The following CCDC88A variants were observed in gnomAD, a reference collection of about 807,000 sequenced individuals.
CCDC88A encodes girdin.
Under a neutral mutation model 234.3 loss-of-function variants are expected in CCDC88A, and 54 were observed. The ratio of observed to expected loss-of-function variants is 0.23; its 90% CI spans 0.19 to 0.29. The LOEUF (loss-of-function observed/expected upper bound fraction) is 0.29. Ranked by LOEUF, CCDC88A falls within the 10% of genes least tolerant of loss-of-function variation. CCDC88A has a pLI of 1.00. For missense variants in CCDC88A, 1,832 were observed against 2,123.4 expected (o/e 0.86, Z 2.70); for synonymous variants, 753 against 737.8 (o/e 1.02, Z -0.33).
At chr2:55,362,478 A>G (rs779115542) in intron 6 of CCDC88A, 30 bp from the exon 7 acceptor site, 15 of 1,582,274 alleles carry the variant, frequency 9.5e-6, no homozygotes, top group Admixed American at 1.9e-5. Context: ...ATAAACAACC[A>G]AAAAAGTGGC....
At chr2:55,399,346 G>A (rs1678195851) in intron 2 of CCDC88A, among the ~76,000 whole-genome samples, 1 of 151,892 alleles carries the variant, frequency 6.6e-6, no homozygotes, top group African/African-American at 2.4e-5. Context: ...CCAAGATGGT[G>A]AAACCCCGTC....
Position 55,334,332 on chromosome 2 carries a change from TCCTTTTCC to T in CCDC88A, c.2481_2488del (p.Glu828Ter). Reference sequence around the variant, plus strand: ...ATTTTCCTTCTCCAATTGTTTCTTATCCTTTTCCAGTTGAGAAGTCTCTTGCTCTAATG... The same window carrying T: ...ATTTTCCTTCTCCAATTGTTTCTTATAGTTGAGAAGTCTCTTGCTCTAATG... On this transcript the variant is annotated frameshift_variant, in exon 15 of 33. Coordinates refer to ENST00000436346, the MANE Select transcript of CCDC88A (RefSeq NM_001365480.1). LOFTEE classifies it high-confidence loss of function. This position sits in a 1 kb window ranked among gnomAD's most constrained non-coding sequence, Gnocchi z 6.1. The T allele has an allele frequency of 2.0e-6, 3 of 1,516,486 alleles. No individual in the cohort carries two copies. Among genetic ancestry groups the T allele is most frequent in the Non-Finnish European group, 2.6e-6 (3 of 1,140,294 alleles). The allele number at this position is 1,516,486 out of a possible 1,614,324, so 93.9% of individuals were successfully genotyped here.
At chr2:55,294,645 G>C in intron 31 of CCDC88A, 1 of 990,770 alleles carries the variant, frequency 1.0e-6, no homozygotes, top group Non-Finnish European at 1.2e-6. Flanking sequence ...CAAGTGAGGG[G>C]TGGGAAGAGG....
chr2:55,411,814 T>C (rs1173231836), intron 2 of CCDC88A, among the ~76,000 whole-genome samples: 1 of 145,974 alleles, frequency 6.9e-6, no homozygotes, highest in Non-Finnish European at 1.5e-5. Context: ...CTCAACATAT[T>C]GGACAGGAAA....
intron 8 of CCDC88A, among the ~76,000 whole-genome samples, chr2:55,350,840 C>T (rs1329535708): frequency 2.0e-5 from 3 of 151,782 alleles, no homozygotes; most frequent in African/African-American, 7.3e-5. Context: ...TTTGTAGACA[C>T]GGGGTCTCAC....
chr2:55,375,465 TG>T (rs1253991748), intron 3 of CCDC88A, among the ~76,000 whole-genome samples: 1 of 134,292 alleles, frequency 7.4e-6, no homozygotes, highest in Non-Finnish European at 1.5e-5. Flanking sequence ...GTACTGTCAC[TG>T]TACTATATAT....
intron 2 of CCDC88A, 26 bp downstream of exon 2, chr2:55,418,790 T>C (rs1381611270): frequency 6.4e-7 from 1 of 1,557,684 alleles, no homozygotes; most frequent in Non-Finnish European, 8.9e-7. Flanking sequence ...AAGAAAACGT[T>C]ACCTAGGAAA....
chr2:55,398,624 G>A (rs991277844), intron 2 of CCDC88A, among the ~76,000 whole-genome samples: 18 of 151,960 alleles, frequency 1.2e-4, no homozygotes, highest in African/African-American at 3.6e-4. Context: ...AAAGTCCTAA[G>A]CTCCTGGGCT....
intron 3 of CCDC88A, among the ~76,000 whole-genome samples, chr2:55,386,326 G>A (rs1417146245): frequency 1.3e-5 from 2 of 151,346 alleles, no homozygotes; most frequent in East Asian, 2.0e-4. Context: ...TCATCCTAGT[G>A]CAATCACTCA....
intron 13 of CCDC88A, 187 bp downstream of exon 13, chr2:55,339,277 C>G: frequency 1.7e-6 from 1 of 577,264 alleles, no homozygotes. Context: ...CTAGTAAGTT[C>G]TTAATTGCTG....
At chr2:55,299,721 T>C in intron 29 of CCDC88A, 118 bp downstream of exon 29, 3 of 675,824 alleles carry the variant, frequency 4.4e-6, no homozygotes, top group East Asian at 2.5e-5. Flanking sequence ...TCCAAACAAC[T>C]ATGTTCCAAA....
At chr2:55,331,520 A>G (rs1016514451) in intron 16 of CCDC88A, among the ~76,000 whole-genome samples, 9 of 152,186 alleles carry the variant, frequency 5.9e-5, no homozygotes, top group Non-Finnish European at 8.8e-5. Context: ...AACAGTAATA[A>G]TGAGTAGATA....
intron 2 of CCDC88A, among the ~76,000 whole-genome samples, chr2:55,389,942 G>A (rs1168528104): frequency 1.3e-5 from 2 of 150,338 alleles, no homozygotes; most frequent in Non-Finnish European, 3.0e-5. Context: ...TTGGGAGGCT[G>A]AGGCAGGAGA....
At chr2:55,387,278 A>C (rs1675824582) in intron 3 of CCDC88A, among the ~76,000 whole-genome samples, 4 of 152,060 alleles carry the variant, frequency 2.6e-5, no homozygotes. Flanking sequence ...CGAAAATACA[A>C]GACAAGAAAA....
chr2:55,388,070 T>C (rs1675999566), intron 3 of CCDC88A, among the ~76,000 whole-genome samples: 1 of 152,056 alleles, frequency 6.6e-6, no homozygotes, highest in Non-Finnish European at 1.5e-5. Flanking sequence ...GCCCAAACAA[T>C]TGGAGAATAC....
chr2:55,401,266 C>CA (rs1341112243), intron 2 of CCDC88A, among the ~76,000 whole-genome samples: 1 of 149,848 alleles, frequency 6.7e-6, no homozygotes, highest in Non-Finnish European at 1.5e-5. Flanking sequence ...TCCTTGTCTA[C>CA]AAAAAAACAA....
chr2:55,372,482 C>T lies in CCDC88A; in HGVS notation c.372G>A (p.Leu124=), dbSNP rs564795810. Residue 124 remains leucine, a synonymous_variant, in exon 5 of 33, where the codon CTG becomes CTA. Transcript: ENST00000436346. ...SEQGTEEVKK[L]LLLLLGCAVQ... Reference sequence around the variant, plus strand: ...CTGCACAACCCAATAAAAGTAAAAGCAGTTTTTTAACTTCTTCTGTGCCTT... The same window carrying T: ...CTGCACAACCCAATAAAAGTAAAAGTAGTTTTTTAACTTCTTCTGTGCCTT... The T allele has an allele frequency of 1.3e-6, 2 of 1,525,684 alleles. No homozygotes were observed. The highest frequency in any genetic ancestry group is 1.7e-5 in the Admixed American group (1 of 58,412). 94.5% of individuals were successfully genotyped at this position (1,525,684 alleles called of 1,614,324 possible). A position where few individuals can be genotyped will look rare whatever the true frequency, so the allele number is the denominator to read the frequency against.
At chr2:55,316,146 AT>A in intron 21 of CCDC88A, 32 bp from the exon 22 acceptor site, 1 of 909,174 alleles carries the variant, frequency 1.1e-6, no homozygotes. Context: ...ATATAATTAG[AT>A]TATCTTAATA....
At chr2:55,346,818 A>G (rs1373172747) in intron 9 of CCDC88A, among the ~76,000 whole-genome samples, 3 of 152,240 alleles carry the variant, frequency 2.0e-5, no homozygotes, top group African/African-American at 7.2e-5. Flanking sequence ...ATGGGGAGAT[A>G]TAAACTTTTT....
Sources: allele counts gnomAD v4.1 joint callset (sites outside exome capture counted in the v4.1 genomes callset), GRCh38; gene constraint gnomAD v4.1.1; non-coding constraint Gnocchi (gnomAD v3.1); transcripts MANE v1.5; gene names NCBI Gene and HGNC (gene_info 2026-07-23, HGNC 2026-07-21).